Variants in HR observed in about 807,000 individuals in gnomAD.
The protein encoded by HR is HR lysine demethylase and nuclear receptor corepressor.
A neutral mutation model predicts 128.6 loss-of-function variants in HR; 83 were observed. The ratio of observed to expected loss-of-function variants is 0.65; its 90% CI spans 0.54 to 0.77. HR has a LOEUF of 0.77. HR is among the 30% of genes least tolerant of loss of function. The pLI, the probability that HR is intolerant of heterozygous loss-of-function variation, is 0.00. For synonymous variants in HR, 681 were observed against 658.2 expected, an observed-to-expected ratio of 1.03 and a Z score of -0.53; for missense variants, 1,490 against 1,574.6, an observed-to-expected ratio of 0.95 and a Z score of 0.91.
rs148963439 is a variant in HR at position 22,118,963 on chromosome 8, C to T, written c.3200G>A (p.Arg1067His). Residue 1067 changes from arginine to histidine, a missense_variant, in exon 16 of 19, where the codon CGC becomes CAC. Physicochemically the swap from Arg to His is conservative, Grantham distance 29. Transcript: ENST00000381418. ...FRAQDAQRIR[R>H]FLQMVCPAGA... ...CTGCCTCCTCACCATCTGGAGAAAG[C>T]GGCGGATGCGCTGGGCGTCCTGTGC... The T allele has an allele frequency of 2.0e-5, 33 of 1,611,380 alleles. No homozygotes were observed. Among genetic ancestry groups the T allele is most frequent in the Middle Eastern group, 4.0e-4 (2 of 4,998 alleles).
intron 2 of HR, chr8:22,128,196 C>T: frequency 2.0e-6 from 1 of 509,234 alleles, no homozygotes; most frequent in South Asian, 2.1e-5. Context: ...GTACCCTAGA[C>T]ATGGGCCATG....
At chr8:22,128,512 C>G in intron 2 of HR, 47 bp downstream of exon 2, 2 of 1,610,232 alleles carry the variant, frequency 1.2e-6, no homozygotes, top group Non-Finnish European at 1.7e-6. Context: ...CACCGAGCAA[C>G]TTTGCTAGGC....
chr8:22,116,622 C>T lies in HR; in HGVS notation c.3379-194G>A, dbSNP rs1220049322. ...GGGACTCAGAACTGCTGGAGAGACC[C>T]TAAAGTCTCCCTGCGAGCCCCCTGA... On this transcript the variant is annotated intron_variant, in intron 17 of 18. Coordinates refer to ENST00000381418, the MANE Select transcript of HR (RefSeq NM_005144.5). This position sits in a 1 kb window ranked among gnomAD's most constrained non-coding sequence, Gnocchi z 4.2. Among the ~76,000 whole-genome samples, 1 of 151,996 alleles carries T rather than the reference C, an allele frequency of 6.6e-6. No individual in the cohort carries two copies. The highest frequency in any genetic ancestry group is 1.5e-5 in the Non-Finnish European group (1 of 67,980).
At position 22,125,519 on chromosome 8, in the gene HR, G is replaced by C; in HGVS notation, c.1557-15C>G. On this transcript the variant is annotated splice_polypyrimidine_tract_variant and intron_variant, in intron 4 of 18. Coordinates refer to ENST00000381418, the MANE Select transcript of HR (RefSeq NM_005144.5). Reference sequence around the variant, plus strand: ...CCAGAGGCGATCTGGAGAGAGGGCAGGGGGAGGTGAGCAGGGAGCCCTGGC... The same window carrying C: ...CCAGAGGCGATCTGGAGAGAGGGCACGGGGAGGTGAGCAGGGAGCCCTGGC... The C allele has an allele frequency of 6.2e-7, 1 of 1,613,086 alleles. No individual in the cohort carries two copies. Among genetic ancestry groups the C allele is most frequent in the Non-Finnish European group, 8.5e-7 (1 of 1,179,824 alleles).
Position 22,119,043 on chromosome 8 carries a change from C to T in HR, c.3120G>A (p.Gly1040=). ...AQKDFLSGLD[G]EGLWSPGSQV... ...GGCTGCCCGGAGACCAGAGCCCCTC[C>T]CCGTCCAGGCCTGAAAGGAAGTCTG... The change falls in exon 16 of 19, where the codon GGG becomes GGA. Residue 1040 remains glycine (G), a synonymous_variant. Coordinates refer to ENST00000381418, the MANE Select transcript of HR (RefSeq NM_005144.5). 1 of 1,613,260 alleles carries T rather than the reference C, an allele frequency of 6.2e-7. No homozygotes were observed. The highest frequency in any genetic ancestry group is 8.5e-7 in the Non-Finnish European group (1 of 1,179,892).
At chr8:22,126,585 G>A (rs1826896291) in intron 3 of HR, among the ~76,000 whole-genome samples, 1 of 152,204 alleles carries the variant, frequency 6.6e-6, no homozygotes, top group South Asian at 2.1e-4. Context: ...GTGTTCACTG[G>A]GTGCCAGGAA....
chr8:22,123,617 T>TTGGGGGCCCCCC, intron 6 of HR, 32 bp downstream of exon 6: 44 of 292,092 alleles, frequency 1.5e-4, no homozygotes, highest in Non-Finnish European at 2.6e-4. Context: ...GAGGGCTCCA[T>TTGGGGGCCCCCC]CCCGCCCTCC....
Position 22,115,635 on chromosome 8 carries a change from G to A in HR, c.*65C>T. ...TCCCCTAGCGCCATCCCCTGCTGAAGTTGTGCCTGGGCTGAGCACCTGGTC... is the reference window on the plus strand; with the variant it reads ...TCCCCTAGCGCCATCCCCTGCTGAAATTGTGCCTGGGCTGAGCACCTGGTC... On this transcript the variant is annotated 3_prime_UTR_variant, in exon 19 of 19. Transcript: ENST00000381418. The A allele has an allele frequency of 7.0e-7, 1 of 1,427,942 alleles. No homozygotes were observed. The highest frequency in any genetic ancestry group is 2.3e-5 in the East Asian group (1 of 43,912). The allele number at this position is 1,427,942 out of a possible 1,614,324, so 88.5% of individuals were successfully genotyped here.
At chr8:22,122,908 G>T in intron 6 of HR, 29 bp from the exon 7 acceptor site, 2 of 1,544,678 alleles carry the variant, frequency 1.3e-6, no homozygotes, top group South Asian at 2.4e-5. Flanking sequence ...AAAGCTGCAG[G>T]TCCAGAAATC....
At chr8:22,118,840 T>C in intron 16 of HR, 110 bp downstream of exon 16, 1 of 907,146 alleles carries the variant, frequency 1.1e-6, no homozygotes, top group East Asian at 2.5e-5. Context: ...GCAGCTCACC[T>C]GAGGGCGTGG....
At position 22,116,378 on chromosome 8, in the gene HR, A is replaced by G. The variant is rs1563615236; in HGVS notation, c.3429T>C (p.Pro1143=). The part of the protein sequence containing the change: ...TVSVTQHFLS[P]ETSALSAQLC... ...GCTGAGCAGAGAGGGCAGAGGTCTCAGGGGAGAGGAAGTGCTGAGTGACGC... is the reference window on the plus strand; with the variant it reads ...GCTGAGCAGAGAGGGCAGAGGTCTCGGGGGAGAGGAAGTGCTGAGTGACGC... Residue 1143 remains proline (P), a synonymous_variant, in exon 18 of 19, where the codon CCT becomes CCC. Transcript: ENST00000381418. The surrounding 1 kb of genome is among the most constrained non-coding windows in gnomAD (Gnocchi z 4.2). 2 of 1,613,540 alleles carry G rather than the reference A, an allele frequency of 1.2e-6. No homozygotes were observed. Among genetic ancestry groups the G allele is most frequent in the Non-Finnish European group, 8.5e-7 (1 of 1,179,878 alleles).
chr8:22,119,856 C>G lies in HR; in HGVS notation c.2881G>C (p.Glu961Gln), dbSNP rs750079021. The part of the protein sequence containing the change: ...ENLAASLPLP[E>Q]YCALHGKLNL... ...AGTTTTCCATGGAGGGCGCAGTACT[C>G]CGGAAGTGGCAGACTGGCAGCTAGG... Residue 961 changes from glutamate to glutamine, a missense_variant, in exon 14 of 19, where the codon GAG (glutamate) becomes CAG (glutamine). Glu to Gln is a conservative substitution (Grantham distance 29). Transcript: ENST00000381418. The G allele has an allele frequency of 6.2e-7, 1 of 1,613,738 alleles. No homozygotes were observed. Among genetic ancestry groups the G allele is most frequent in the South Asian group, 1.1e-5 (1 of 91,074 alleles).
At chr8:22,123,560 G>T in intron 6 of HR, 89 bp downstream of exon 6, 1 of 1,325,266 alleles carries the variant, frequency 7.5e-7, no homozygotes, top group Non-Finnish European at 1.0e-6. Flanking sequence ...GGGGCTTTTT[G>T]GGGAGAGGCA....
intron 3 of HR, among the ~76,000 whole-genome samples, chr8:22,126,577 G>T (rs1266127839): frequency 6.6e-6 from 1 of 152,236 alleles, no homozygotes; most frequent in Non-Finnish European, 1.5e-5. Context: ...TTTACTGAGT[G>T]TTCACTGGGT....
chr8:22,123,024 G>C (rs1157753858), intron 6 of HR, 145 bp from the exon 7 acceptor site: 3 of 750,866 alleles, frequency 4.0e-6, no homozygotes, highest in South Asian at 3.0e-5. Flanking sequence ...GGGTCACATA[G>C]AGACACAGCA....
At chr8:22,121,482 G>A in intron 9 of HR, 131 bp downstream of exon 9, 1 of 1,002,600 alleles carries the variant, frequency 1.0e-6, no homozygotes, top group Admixed American at 1.8e-5. Flanking sequence ...CCTGAGGGGA[G>A]TAGTGGAGAT....
chr8:22,119,687 C>T (rs1313527446), intron 14 of HR, 73 bp downstream of exon 14: 45 of 1,512,792 alleles, frequency 3.0e-5, no homozygotes, highest in East Asian at 1.8e-4. Context: ...TTGGCACAGA[C>T]GCTCGTGTGC....
At chr8:22,125,080 C>T (rs977274382) in intron 5 of HR, among the ~76,000 whole-genome samples, 4 of 152,258 alleles carry the variant, frequency 2.6e-5, no homozygotes, top group African/African-American at 9.6e-5. Flanking sequence ...CCCCCACCTC[C>T]CAGTGCCTTG....
intron 16 of HR, chr8:22,118,635 C>T (rs1826651159): frequency 7.0e-6 from 3 of 426,412 alleles, no homozygotes; most frequent in East Asian, 4.7e-5. Flanking sequence ...CCTCATGGGG[C>T]GGGGGGCTGA....
Sources: gnomAD v4.1 joint callset for allele counts (sites outside exome capture counted in the v4.1 genomes callset) on GRCh38, gnomAD v4.1.1 for gene constraint, Gnocchi (gnomAD v3.1) non-coding constraint, MANE v1.5 for transcripts, NCBI Gene and HGNC (gene_info 2026-07-23, HGNC 2026-07-21) for gene names.